Variants in RNF4 observed in about 807,000 individuals in gnomAD.
RNF4 encodes E3 ubiquitin-protein ligase RNF4.
In RNF4, 7 loss-of-function variants were observed where a neutral mutation model predicts 24.3. That is an observed-to-expected ratio of 0.29 (90% CI 0.16 to 0.54). The LOEUF (loss-of-function observed/expected upper bound fraction) is 0.54. Ranked by LOEUF, RNF4 falls within the 20% of genes least tolerant of loss-of-function variation. The probability of loss-of-function intolerance (pLI) is 0.95; values close to 1 mark genes in which losing one functional copy is unlikely to be tolerated. For synonymous variants in RNF4, 83 were observed against 84.3 expected (o/e 0.98, Z 0.09); for missense variants, 209 against 248.5 (o/e 0.84, Z 1.07).
chr4:2,508,512 A>G (rs998438548), intron 4 of RNF4, among the ~76,000 whole-genome samples: 5 of 152,326 alleles, frequency 3.3e-5, no homozygotes, highest in Admixed American at 6.5e-5. Flanking sequence ...CCAGTAATCA[A>G]TACTGTATTG....
At chr4:2,485,654 T>C (rs1735384057) in intron 1 of RNF4, among the ~76,000 whole-genome samples, 1 of 152,098 alleles carries the variant, frequency 6.6e-6, no homozygotes, top group African/African-American at 2.4e-5. Context: ...CTCCTGACCA[T>C]CCCCAGTTAG....
chr4:2,471,225 C>T (rs1020784137), intron 1 of RNF4: 1 of 152,242 alleles, frequency 6.6e-6, no homozygotes, highest in African/African-American at 2.4e-5. Context: ...CCTCGGCCTC[C>T]CAAAGTGCTG....
In RNF4 at chr4:2,512,333, T is replaced by C. The variant is rs907867702; in HGVS notation, c.215-105T>C. On this transcript the variant is annotated intron_variant, in intron 5 of 7. Transcript: ENST00000314289. This position sits in a 1 kb window ranked among gnomAD's most constrained non-coding sequence, Gnocchi z 4.1. ...CATGGCAGCAGTTTGTCTCTGGGGG[T>C]CCCAGGCAGGGAAGGAAGAGGGTCT... 9.6e-6 allele frequency: 13 copies of C among 1,347,464 alleles called. No individual in the cohort carries two copies. The highest frequency in any genetic ancestry group is 2.0e-5 in the Admixed American group (1 of 50,630). 83.5% of individuals were successfully genotyped at this position (1,347,464 alleles called of 1,614,324 possible).
chr4:2,495,302 G>C (rs1236823152), intron 2 of RNF4, among the ~76,000 whole-genome samples: 1 of 152,218 alleles, frequency 6.6e-6, no homozygotes, highest in Non-Finnish European at 1.5e-5. Context: ...CGAGGGCTTG[G>C]CTGGATGGTG....
intron 2 of RNF4, chr4:2,494,728 A>G (rs577676753): frequency 6.5e-6 from 1 of 152,860 alleles, no homozygotes; most frequent in African/African-American, 2.4e-5. Context: ...GGAAGGAGGA[A>G]GTAACTTGTG....
chr4:2,490,538 A>G (rs763617015), intron 2 of RNF4, 36 bp downstream of exon 2: 3 of 1,598,860 alleles, frequency 1.9e-6, no homozygotes, highest in Non-Finnish European at 2.6e-6. Context: ...TTAATTTTGT[A>G]GGGCTAATTA....
intron 4 of RNF4, among the ~76,000 whole-genome samples, chr4:2,506,972 G>C (rs1232440766): frequency 6.6e-6 from 1 of 152,148 alleles, no homozygotes; most frequent in South Asian, 2.1e-4. Context: ...AAGGAATCGA[G>C]ATTCTTTAAG....
At chr4:2,470,661 A>G (rs1281330542) in intron 1 of RNF4, among the ~76,000 whole-genome samples, 3 of 152,226 alleles carry the variant, frequency 2.0e-5, no homozygotes, top group Admixed American at 1.3e-4. Flanking sequence ...TAAAATGAGT[A>G]AGATTTTTCA....
At chr4:2,486,638 A>G (rs902474435) in intron 1 of RNF4, among the ~76,000 whole-genome samples, 14 of 152,204 alleles carry the variant, frequency 9.2e-5, no homozygotes, top group Non-Finnish European at 4.4e-5. Flanking sequence ...GCAGGGATGC[A>G]GGAGGCTGGT....
chr4:2,497,039 A>G lies in RNF4; in HGVS notation c.42A>G (p.Arg14=), dbSNP rs769509842. The G allele has an allele frequency of 3.2e-5, 52 of 1,606,878 alleles. No homozygotes were observed. Among genetic ancestry groups the G allele is most frequent in the Admixed American group, 8.5e-5 (5 of 58,898 alleles). The change falls in exon 3 of 8, where the codon AGA becomes AGG. Residue 14 remains arginine (R), a synonymous_variant. Coordinates refer to ENST00000314289, the MANE Select transcript of RNF4 (RefSeq NM_002938.5). ...RKRRGGAINS[R]QAQKRTREAT... ...GTCGTGGTGGAGCAATAAATTCTAG[A>G]CAAGCTCAGAAGCGAACTCGGGAAG... is the stretch of plus-strand genomic sequence containing the variant.
Position 2,490,415 on chromosome 4 carries a change from G to A in RNF4, c.-79G>A. On this transcript the variant is annotated 5_prime_UTR_variant, in exon 2 of 8. The change abolishes the stop of an existing upstream ORF in the 5' untranslated region. Coordinates refer to ENST00000314289, the MANE Select transcript of RNF4 (RefSeq NM_002938.5). ...GAGTAACCAGAGGGCATGAAAGGTT[G>A]AGAACATTTGACTTCCCTGCAAACC... 7 of 1,464,082 alleles carry A rather than the reference G, an allele frequency of 4.8e-6. No homozygotes were observed. The highest frequency in any genetic ancestry group is 6.6e-6 in the Non-Finnish European group (7 of 1,057,126). 90.7% of individuals were successfully genotyped at this position (1,464,082 alleles called of 1,614,324 possible). A position where few individuals can be genotyped will look rare whatever the true frequency, so the allele number is the denominator to read the frequency against.
intron 4 of RNF4, among the ~76,000 whole-genome samples, chr4:2,507,010 G>A (rs376050867): frequency 1.3e-5 from 2 of 152,132 alleles, no homozygotes; most frequent in Non-Finnish European, 2.9e-5. Context: ...TGTTACTTAG[G>A]CTGTTTTTCT....
intron 1 of RNF4, 72 bp downstream of exon 1, chr4:2,469,330 TGGG>T (rs1470926852): frequency 6.6e-6 from 1 of 152,052 alleles, no homozygotes; most frequent in Non-Finnish European, 1.5e-5. Context: ...CCGCGCCTCT[TGGG>T]GGAGCCGCGC....
Position 2,512,092 on chromosome 4 carries a change from T to C in RNF4, c.214+127T>C, listed in dbSNP as rs1736284272. On this transcript the variant is annotated intron_variant, in intron 5 of 7. Transcript: ENST00000314289. This position sits in a 1 kb window ranked among gnomAD's most constrained non-coding sequence, Gnocchi z 4.1. ...GAGCGCTCCAAGCAGGAAGATGCCT[T>C]CGCAGATGCTGTGGTCAGACCCACA... 3 of 838,370 alleles carry C rather than the reference T, an allele frequency of 3.6e-6. No homozygotes were observed. In the African/African-American group the frequency reaches 5.1e-5, roughly 14 times the overall value. 51.9% of individuals were successfully genotyped at this position (838,370 alleles called of 1,614,324 possible). A position where few individuals can be genotyped will look rare whatever the true frequency, so the allele number is the denominator to read the frequency against.
At chr4:2,498,380 G>A (rs1735801660) in intron 3 of RNF4, among the ~76,000 whole-genome samples, 1 of 151,960 alleles carries the variant, frequency 6.6e-6, no homozygotes, top group Non-Finnish European at 1.5e-5. Flanking sequence ...TAGAGACGGG[G>A]TTTCACCATG....
intron 1 of RNF4, among the ~76,000 whole-genome samples, chr4:2,477,529 G>A (rs565149110): frequency 1.2e-3 from 183 of 152,248 alleles, no homozygotes; most frequent in African/African-American, 3.9e-3. Flanking sequence ...AGATTACAGT[G>A]AGCCGAGATC....
At chr4:2,490,735 C>T in intron 2 of RNF4, 1 of 462,944 alleles carries the variant, frequency 2.2e-6, no homozygotes, top group East Asian at 3.3e-5. Context: ...GAAGGAATAG[C>T]TTAGGGTTTG....
intron 1 of RNF4, among the ~76,000 whole-genome samples, chr4:2,471,900 A>C (rs1734919748): frequency 6.6e-6 from 1 of 152,224 alleles, no homozygotes; most frequent in South Asian, 2.1e-4. Flanking sequence ...TGTAATGTAA[A>C]AGTGTAAGGT....
intron 1 of RNF4, among the ~76,000 whole-genome samples, chr4:2,485,465 C>A (rs887208519): frequency 8.5e-5 from 13 of 152,210 alleles, no homozygotes; most frequent in Non-Finnish European, 1.9e-4. Flanking sequence ...ACCTTGGGCC[C>A]TTTCTCCCTG....
Sources: allele counts gnomAD v4.1 joint callset (sites outside exome capture counted in the v4.1 genomes callset), GRCh38; gene constraint gnomAD v4.1.1; non-coding constraint Gnocchi (gnomAD v3.1); transcripts MANE v1.5; gene names NCBI Gene and HGNC (gene_info 2026-07-23, HGNC 2026-07-21).